GRID2: variants seen among roughly 807,000 people sequenced by gnomAD.
GRID2 encodes the protein glutamate ionotropic receptor delta type subunit 2, also known as glutamate receptor ionotropic, delta-2.
GRID2 carries 33 observed loss-of-function variants against 114.8 expected under a neutral mutation model. That is an observed-to-expected ratio of 0.29 (90% CI 0.22 to 0.38). The LOEUF (loss-of-function observed/expected upper bound fraction) is 0.38. Ranked by LOEUF, GRID2 falls within the 10% of genes least tolerant of loss-of-function variation. The pLI, the probability that GRID2 is intolerant of heterozygous loss-of-function variation, is 1.00. For missense variants in GRID2, 1,184 were observed against 1,257.7 expected (o/e 0.94, Z 0.89); for synonymous variants, 505 against 449.9 (o/e 1.12, Z -1.55).
In GRID2 at chr4:93,637,719, G is replaced by A. The variant is rs190149627; in HGVS notation, c.2360+11284G>A. Among the ~76,000 whole-genome samples the A allele has an allele frequency of 8.5e-5, 13 of 152,238 alleles. No homozygotes were observed. In the East Asian group the frequency reaches 1.9e-3, roughly 23 times the overall value. On this transcript the variant is annotated intron_variant, in intron 14 of 15. Coordinates refer to ENST00000282020, the MANE Select transcript of GRID2 (RefSeq NM_001510.4). ...TATTGAAAATTGAAAGCTATGGGAC[G>A]ATACTGAAATATTTTCCCTTCCTCT...
At chr4:92,735,668 ACT>A (rs1258185898) in intron 2 of GRID2, among the ~76,000 whole-genome samples, 1 of 151,924 alleles carries the variant, frequency 6.6e-6, no homozygotes, top group Non-Finnish European at 1.5e-5. Context: ...TGCTACTCAG[ACT>A]CTCTTGAACT....
At chr4:92,378,537 T>C (rs1729461964) in intron 1 of GRID2, among the ~76,000 whole-genome samples, 1 of 152,132 alleles carries the variant, frequency 6.6e-6, no homozygotes, top group Non-Finnish European at 1.5e-5. Context: ...TGTTTATATT[T>C]ACTATATTAA....
chr4:92,803,555 C>T (rs1740273002), intron 2 of GRID2, among the ~76,000 whole-genome samples: 1 of 151,760 alleles, frequency 6.6e-6, no homozygotes, highest in Non-Finnish European at 1.5e-5. Flanking sequence ...ATTCAGGTAC[C>T]CCATCAACCA....
intron 2 of GRID2, among the ~76,000 whole-genome samples, chr4:92,977,370 A>G (rs1057511985): frequency 2.0e-5 from 3 of 152,206 alleles, no homozygotes; most frequent in South Asian, 2.1e-4. Flanking sequence ...AGGAAATACA[A>G]GGGTTCAAGG....
chr4:92,622,659 T>TG (rs1730328820), intron 2 of GRID2, among the ~76,000 whole-genome samples: 5 of 151,758 alleles, frequency 3.3e-5, no homozygotes, highest in African/African-American at 1.2e-4. Flanking sequence ...ATTGATAGAG[T>TG]GTATTATTTA....
At chr4:92,631,661 G>A (rs1300379142) in intron 2 of GRID2, among the ~76,000 whole-genome samples, 1 of 152,026 alleles carries the variant, frequency 6.6e-6, no homozygotes, top group Non-Finnish European at 1.5e-5. Flanking sequence ...AACTTGGGTT[G>A]CAGCTGAACA....
chr4:92,574,878 G>T (rs1188243171), intron 1 of GRID2, among the ~76,000 whole-genome samples: 1 of 152,086 alleles, frequency 6.6e-6, no homozygotes, highest in South Asian at 2.1e-4. Flanking sequence ...TTCTTGCTAG[G>T]TTGGGGAAGT....
intron 14 of GRID2, among the ~76,000 whole-genome samples, chr4:93,691,549 G>A (rs1410368994): frequency 6.6e-6 from 1 of 152,040 alleles, no homozygotes; most frequent in Non-Finnish European, 1.5e-5. Context: ...GTTATTAGAA[G>A]TTATTTAACT....
intron 2 of GRID2, among the ~76,000 whole-genome samples, chr4:92,919,601 T>C (rs569413722): frequency 3.3e-5 from 5 of 152,252 alleles, no homozygotes; most frequent in South Asian, 4.1e-4. Flanking sequence ...GCCTTCATTT[T>C]GTTATGTACC....
intron 2 of GRID2, among the ~76,000 whole-genome samples, chr4:92,959,987 C>G (rs557516581): frequency 6.6e-6 from 1 of 151,240 alleles, no homozygotes; most frequent in South Asian, 2.1e-4. Context: ...ACATGTATCC[C>G]AGAACTTAAA....
chr4:92,939,168 T>A lies in GRID2; in HGVS notation c.245-145827T>A, dbSNP rs1020244048. Reference sequence around the variant, plus strand: ...GACTTCCACAATGGTTGAACTAGTTTACAGTCCCACCAACAGTGTAAAAGT... The same window carrying A: ...GACTTCCACAATGGTTGAACTAGTTAACAGTCCCACCAACAGTGTAAAAGT... On this transcript the variant is annotated intron_variant, in intron 2 of 15. Transcript: ENST00000282020. Among the ~76,000 whole-genome samples the A allele has an allele frequency of 4.7e-5, 7 of 147,488 alleles. 2 individuals are homozygous for A. The highest frequency in any genetic ancestry group is 7.2e-5 in the Admixed American group (1 of 13,802).
At position 92,548,401 on chromosome 4, in the gene GRID2, A is replaced by ATTTTTTTTTTTTTTTTTTTTTTTTTTT. The variant is rs61653263; in HGVS notation, c.89-41712_89-41711insTTTTTTTTTTTTTTTTTTTTTTTTTTT. Among the ~76,000 whole-genome samples the ATTTTTTTTTTTTTTTTTTTTTTTTTTT allele has an allele frequency of 2.3e-3, 140 of 60,780 alleles. 42 individuals are homozygous for ATTTTTTTTTTTTTTTTTTTTTTTTTTT. Among genetic ancestry groups the ATTTTTTTTTTTTTTTTTTTTTTTTTTT allele is most frequent in the African/African-American group, 6.6e-3 (77 of 11,752 alleles). 39.9% of individuals were successfully genotyped at this position (60,780 alleles called of 152,430 possible). A position where few individuals can be genotyped will look rare whatever the true frequency, so the allele number is the denominator to read the frequency against. On this transcript the variant is annotated intron_variant, in intron 1 of 15. Transcript: ENST00000282020. ...ATGAAGACATTTCTGAGACTGTGTA[A>ATTTTTTTTTTTTTTTTTTTTTTTTTTT]TTTTTTTTTTTTTTTTTTGAGACAG...
intron 13 of GRID2, among the ~76,000 whole-genome samples, chr4:93,596,355 G>T (rs1468584581): frequency 6.6e-6 from 1 of 152,104 alleles, no homozygotes; most frequent in Non-Finnish European, 1.5e-5. Flanking sequence ...CGAGGAGGGC[G>T]ATCACGAGGT....
intron 2 of GRID2, among the ~76,000 whole-genome samples, chr4:92,914,558 T>C (rs1014789459): frequency 3.0e-4 from 45 of 152,208 alleles, no homozygotes; most frequent in African/African-American, 9.9e-4. Flanking sequence ...TTCCTGATCC[T>C]CTCCCTTCTC....
intron 2 of GRID2, among the ~76,000 whole-genome samples, chr4:92,657,483 A>G (rs1732301436): frequency 6.6e-6 from 1 of 151,698 alleles, no homozygotes; most frequent in Non-Finnish European, 1.5e-5. Context: ...GATCATTTTA[A>G]TGTTTTACAA....
At chr4:93,461,192 G>C (rs1723708050) in intron 11 of GRID2, among the ~76,000 whole-genome samples, 1 of 152,166 alleles carries the variant, frequency 6.6e-6, no homozygotes, top group African/African-American at 2.4e-5. Flanking sequence ...TATAATGACA[G>C]ATAATGCTGA....
rs181489329 is a variant in GRID2 at position 92,882,574 on chromosome 4, A to G, written c.245-202421A>G. ...TAGAAAAACACTCTGTTAATTAAAA[A>G]TGAGACATTTTATTTACTGTGAAAT... On this transcript the variant is annotated intron_variant, in intron 2 of 15. Coordinates refer to ENST00000282020, the MANE Select transcript of GRID2 (RefSeq NM_001510.4). Among the ~76,000 whole-genome samples, 43 of 152,256 alleles carry G rather than the reference A, an allele frequency of 2.8e-4. No homozygotes were observed. The East Asian group carries it at 7.4e-3, about 26-fold the overall frequency.
At chr4:92,768,581 T>C (rs1186070861) in intron 2 of GRID2, among the ~76,000 whole-genome samples, 1 of 152,202 alleles carries the variant, frequency 6.6e-6, no homozygotes, top group Non-Finnish European at 1.5e-5. Flanking sequence ...AATAAAGACA[T>C]ATCAGAGACT....
chr4:93,185,299 A>G (rs930931693), intron 4 of GRID2, among the ~76,000 whole-genome samples: 3 of 152,176 alleles, frequency 2.0e-5, no homozygotes, highest in Non-Finnish European at 2.9e-5. Context: ...TGTGAATTTC[A>G]AAGTGATGTC....
Sources: gnomAD v4.1 joint callset for allele counts (sites outside exome capture counted in the v4.1 genomes callset) on GRCh38, gnomAD v4.1.1 for gene constraint, MANE v1.5 for transcripts, NCBI Gene and HGNC (gene_info 2026-07-23, HGNC 2026-07-21) for gene names.